RNF103: variants seen among roughly 807,000 people sequenced by gnomAD.
RNF103 encodes the protein ring finger protein 103, also known as E3 ubiquitin-protein ligase RNF103.
Under a neutral mutation model 66.2 loss-of-function variants are expected in RNF103, and 23 were observed. The ratio of observed to expected loss-of-function variants is 0.35; its 90% CI spans 0.25 to 0.49. RNF103 has a LOEUF of 0.49. Among genes scored for constraint, RNF103 ranks in the 20% least tolerant of loss-of-function variants. The pLI is 0.98. For synonymous variants in RNF103, 297 were observed against 289.9 expected (o/e 1.02, Z -0.25); for missense variants, 730 against 814.7 (o/e 0.90, Z 1.27).
chr2:86,619,163 A>C (rs1395845659), intron 2 of RNF103, among the ~76,000 whole-genome samples: 2 of 152,146 alleles, frequency 1.3e-5, no homozygotes, highest in Non-Finnish European at 2.9e-5. Context: ...GCAACAGAAA[A>C]ATATACCTAT....
intron 3 of RNF103, among the ~76,000 whole-genome samples, chr2:86,606,587 C>A (rs568562054): frequency 6.8e-6 from 1 of 147,186 alleles, no homozygotes; most frequent in Non-Finnish European, 1.5e-5. Flanking sequence ...CGCTTGAACC[C>A]GGGAGGCAGA....
At position 86,623,811 on chromosome 2, in the gene RNF103, C is replaced by T. The variant is rs972125469; in HGVS notation, c.-925G>A. On this transcript the variant is annotated 5_prime_UTR_variant, in exon 1 of 4. Coordinates refer to ENST00000237455, the MANE Select transcript of RNF103 (RefSeq NM_005667.4). ...CCCCGCCACCTCCGGAGACCGCGGCCGTACCCTCCACAACCGTGTATCAGC... is the reference window on the plus strand; with the variant it reads ...CCCCGCCACCTCCGGAGACCGCGGCTGTACCCTCCACAACCGTGTATCAGC... The T allele has an allele frequency of 2.3e-6, 3 of 1,284,874 alleles. No individual in the cohort carries two copies. The African/African-American group carries it at 4.6e-5, about 20-fold the overall frequency. 79.6% of individuals were successfully genotyped at this position (1,284,874 alleles called of 1,614,324 possible).
In RNF103 at chr2:86,605,079, CTTG is replaced by C. The variant is rs746438260; in HGVS notation, c.819_821del (p.Asn273del). On this transcript the variant is annotated inframe_deletion, in exon 4 of 4. Transcript: ENST00000237455. The stretch of plus-strand genomic sequence containing the variant: ...ATATGCCAATATCTGTCATATAACT[CTTG>C]TTGTCCCAATTTTCTACATTAACAA... The C allele has an allele frequency of 2.5e-6, 4 of 1,613,876 alleles. No individual in the cohort carries two copies. The highest frequency in any genetic ancestry group is 3.4e-6 in the Non-Finnish European group (4 of 1,179,970).
intron 1 of RNF103, 139 bp downstream of exon 1, chr2:86,622,522 G>T (rs1679270488): frequency 1.3e-6 from 1 of 753,300 alleles, no homozygotes; most frequent in Non-Finnish European, 2.2e-6. Context: ...CTTGATTGTA[G>T]GAAGCTTGGA....
intron 3 of RNF103, among the ~76,000 whole-genome samples, chr2:86,609,079 G>T (rs571369447): frequency 2.0e-5 from 3 of 152,168 alleles, no homozygotes; most frequent in South Asian, 4.1e-4. Context: ...CTAGTGGGAG[G>T]TGTCTGGGTC....
At position 86,605,303 on chromosome 2, in the gene RNF103, C is replaced by T. The variant is rs1678502671; in HGVS notation, c.598G>A (p.Glu200Lys). 5 of 1,614,166 alleles carry T rather than the reference C, an allele frequency of 3.1e-6. No homozygotes were observed. Among genetic ancestry groups the T allele is most frequent in the Non-Finnish European group, 4.2e-6 (5 of 1,180,024 alleles). The change falls in exon 4 of 4, where the codon GAG becomes AAG. Residue 200 changes from glutamate (E) to lysine (K), a missense_variant. Glu to Lys is a moderately conservative substitution (Grantham distance 56). Coordinates refer to ENST00000237455, the MANE Select transcript of RNF103 (RefSeq NM_005667.4). ...KEYSGRKIEV[E>K]HIFKWITAHA... Reference sequence around the variant, plus strand: ...GCAGTTATCCATTTAAAAATGTGCTCTACTTCAATCTTGCGTCCACTGTAT... The same window carrying T: ...GCAGTTATCCATTTAAAAATGTGCTTTACTTCAATCTTGCGTCCACTGTAT...
intron 1 of RNF103, 54 bp downstream of exon 1, chr2:86,622,601 GAGGTAC>G (rs1275258964): frequency 6.6e-7 from 1 of 1,515,102 alleles, no homozygotes; most frequent in Non-Finnish European, 9.2e-7. Context: ...CAGGTACCAG[GAGGTAC>G]AGGTCGTCCC....
In RNF103 at chr2:86,604,502, A is replaced by G. The variant is rs1678468200; in HGVS notation, c.1399T>C (p.Phe467Leu). ...SLWDWYTSYL[F>L]HPIASFQNFP... ...TTCTGAAAAGAAGCAATCGGGTGGA[A>G]GAGGTAGCTGGTGTACCAGTCCCAC... The change falls in exon 4 of 4, where the codon TTC becomes CTC. Residue 467 changes from phenylalanine (F) to leucine (L), a missense_variant. Coordinates refer to ENST00000237455, the MANE Select transcript of RNF103 (RefSeq NM_005667.4). The G allele has an allele frequency of 1.9e-6, 3 of 1,614,218 alleles. No individual in the cohort carries two copies. Among genetic ancestry groups the G allele is most frequent in the Non-Finnish European group, 2.5e-6 (3 of 1,180,018 alleles).
chr2:86,623,169 T>C lies in RNF103; in HGVS notation c.-283A>G. The C allele has an allele frequency of 9.1e-7, 1 of 1,099,620 alleles. No homozygotes were observed. The allele number at this position is 1,099,620 out of a possible 1,614,324, so 68.1% of individuals were successfully genotyped here. A position where few individuals can be genotyped will look rare whatever the true frequency, so the allele number is the denominator to read the frequency against. On this transcript the variant is annotated 5_prime_UTR_variant, in exon 1 of 4. An upstream start codon of the reference 5' UTR is lost. Transcript: ENST00000237455. ...GGGAAAAACTCAAAACCCCCATCCA[T>C]TAAGCACAGAAAGGAGAGGGGCGCG...
intron 2 of RNF103, among the ~76,000 whole-genome samples, chr2:86,615,890 T>G (rs1404187242): frequency 6.6e-6 from 1 of 152,196 alleles, no homozygotes; most frequent in Non-Finnish European, 1.5e-5. Flanking sequence ...CCAACTCATA[T>G]GGGTGCTCAA....
At chr2:86,615,777 C>T (rs1467188638) in intron 2 of RNF103, among the ~76,000 whole-genome samples, 1 of 152,120 alleles carries the variant, frequency 6.6e-6, no homozygotes, top group African/African-American at 2.4e-5. Context: ...CCTGGCAATA[C>T]AGGCTAGAAG....
In RNF103 at chr2:86,604,684, AC is replaced by A; in HGVS notation, c.1216del (p.Val406Ter). The A allele has an allele frequency of 6.2e-7, 1 of 1,614,210 alleles. No individual in the cohort carries two copies. Among genetic ancestry groups the A allele is most frequent in the Admixed American group, 1.7e-5 (1 of 60,016 alleles). On this transcript the variant is annotated frameshift_variant, in exon 4 of 4. Coordinates refer to ENST00000237455, the MANE Select transcript of RNF103 (RefSeq NM_005667.4). LOFTEE classifies it high-confidence loss of function. ...YSNTTTLASWVRADWMFYSSH... is the reference protein window; with the variant it reads ...YSNTTTLASWXRADWMFYSSH... ...AGAGTAAAACATCCAGTCTGCCCTT[AC>A]CCATGAAGCCAGTGTGGTTGTATTG... is the stretch of plus-strand genomic sequence containing the variant.
rs752539794 is a variant in RNF103 at position 86,622,652 on chromosome 2, G to C, written c.226+9C>G. ...GTGGAGGGGACCCTAGGGGAAGCCCGATACTCGCCTGACTTTTCCACCAGC... is the reference window on the plus strand; with the variant it reads ...GTGGAGGGGACCCTAGGGGAAGCCCCATACTCGCCTGACTTTTCCACCAGC... On this transcript the variant is annotated intron_variant, in intron 1 of 3. Coordinates refer to ENST00000237455, the MANE Select transcript of RNF103 (RefSeq NM_005667.4). The C allele has an allele frequency of 1.1e-5, 17 of 1,613,848 alleles. No homozygotes were observed.
chr2:86,617,745 TTTCTC>T, intron 2 of RNF103: 1 of 1,012,804 alleles, frequency 9.9e-7, no homozygotes, highest in Non-Finnish European at 1.2e-6. Context: ...GGAGACAATA[TTTCTC>T]TTCTGTTTCT....
rs556679632 is a variant in RNF103 at position 86,622,973 on chromosome 2, T to G, written c.-87A>C. 1 of 1,468,082 alleles carries G rather than the reference T, an allele frequency of 6.8e-7. No homozygotes were observed. The highest frequency in any genetic ancestry group is 2.6e-5 in the East Asian group (1 of 38,234). The allele number at this position is 1,468,082 out of a possible 1,614,324, so 90.9% of individuals were successfully genotyped here. ...GCGGGGGCCGCGGCTCGGTGGCAGC[T>G]TGGGCGAGGGCCCCGTGTCCACGCG... On this transcript the variant is annotated 5_prime_UTR_variant, in exon 1 of 4. Transcript: ENST00000237455.
intron 2 of RNF103, chr2:86,614,977 G>C (rs1678961570): frequency 1.0e-6 from 1 of 985,316 alleles, no homozygotes; most frequent in African/African-American, 1.7e-5. Flanking sequence ...TAAATATTTA[G>C]TTCCTAAGTC....
rs1486313743 is a variant in RNF103, at chr2:86,604,558, T to C, written c.1343A>G (p.Asn448Ser). ...RRRNNNNDEV[N>S]ANNLEWLSSL... ...TGATAACCATTCTAAGTTATTGGCA[T>C]TGACTTCATCATTGTTGTTGTTGCG... The change falls in exon 4 of 4, where the codon AAT (asparagine) becomes AGT (serine). Residue 448 changes from asparagine (N) to serine (S), a missense_variant. Around this residue, in one of 3 missense-constraint regions of RNF103, gnomAD observed 355 missense variants for 351.9 expected, o/e 1.01. Transcript: ENST00000237455. The C allele has an allele frequency of 1.1e-5, 17 of 1,614,206 alleles. No individual in the cohort carries two copies. The highest frequency in any genetic ancestry group is 1.0e-4 in the Admixed American group (6 of 60,016).
intron 1 of RNF103, among the ~76,000 whole-genome samples, chr2:86,621,979 G>GT (rs1234619928): frequency 1.3e-5 from 2 of 151,988 alleles, no homozygotes; most frequent in African/African-American, 4.8e-5. Flanking sequence ...CAATGCAAGG[G>GT]TACCTGTGAC....
chr2:86,620,613 G>A, intron 1 of RNF103, 144 bp from the exon 2 acceptor site: 2 of 1,113,732 alleles, frequency 1.8e-6, no homozygotes, highest in Non-Finnish European at 2.4e-6. Context: ...GAAGAACCTG[G>A]ATATACCCAC....
Sources: gnomAD v4.1 joint callset for allele counts (sites outside exome capture counted in the v4.1 genomes callset) on GRCh38, gnomAD v4.1.1 for gene constraint, gnomAD v4.1.1 regional missense constraint, MANE v1.5 for transcripts, NCBI Gene and HGNC (gene_info 2026-07-23, HGNC 2026-07-21) for gene names.